Variants in TSPEAR observed in about 807,000 individuals in gnomAD.
TSPEAR encodes the protein thrombospondin type laminin G domain and EAR repeats.
Under a neutral mutation model 71.6 loss-of-function variants are expected in TSPEAR, and 69 were observed. That is an observed-to-expected ratio of 0.96 (90% CI 0.79 to 1.18). The LOEUF is 1.18. TSPEAR is among the 50% of genes most tolerant of loss of function. The pLI is 0.00. For missense variants in TSPEAR, 971 were observed against 894.9 expected, an observed-to-expected ratio of 1.09 and a Z score of -1.09; for synonymous variants, 402 against 387.2, an observed-to-expected ratio of 1.04 and a Z score of -0.45.
At chr21:44,697,776 C>T (rs1190156649) in intron 1 of TSPEAR, 3 of 1,613,932 alleles carry the variant, frequency 1.9e-6, no homozygotes, top group Non-Finnish European at 2.5e-6. Flanking sequence ...TGCAGACCCT[C>T]CTCCTCCGTG....
intron 1 of TSPEAR, among the ~76,000 whole-genome samples, chr21:44,571,336 C>T (rs1270444152): frequency 1.3e-5 from 2 of 152,226 alleles, no homozygotes; most frequent in African/African-American, 4.8e-5. Flanking sequence ...AGGCATGAGC[C>T]ACCACATCCA....
At chr21:44,529,752 T>G (rs781856559) in intron 5 of TSPEAR, 46 bp downstream of exon 5, 1 of 1,608,858 alleles carries the variant, frequency 6.2e-7, no homozygotes, top group Admixed American at 1.7e-5. Context: ...AGGCCAGGGC[T>G]CTCGCATCTG....
intron 1 of TSPEAR, chr21:44,647,037 C>T (rs1601526246): frequency 1.2e-6 from 2 of 1,613,782 alleles, no homozygotes; most frequent in African/African-American, 2.7e-5. Flanking sequence ...TGCCTGTCTG[C>T]TGCAAGACTG....
In TSPEAR at chr21:44,504,817, C is replaced by G. The variant is rs587622341; in HGVS notation, c.1819G>C (p.Asp607His). The stretch of plus-strand genomic sequence containing the variant: ...CTGTTCACCGAGAAGGTACGCCCAT[C>G]GAAGGAGTTGGCCACCACCAGGAAA... ...DYFLVVANSFDGRTFSVNSII... is the reference protein window; with the variant it reads ...DYFLVVANSFHGRTFSVNSII... Residue 607 changes from aspartate (D) to histidine (H), a missense_variant, in exon 11 of 12, where the codon GAT (aspartate) becomes CAT (histidine). By Grantham distance (81) the Asp-to-His change is moderately conservative. Transcript: ENST00000323084. 1 of 1,613,804 alleles carries G rather than the reference C, an allele frequency of 6.2e-7. No homozygotes were observed. The highest frequency in any genetic ancestry group is 1.7e-5 in the Admixed American group (1 of 59,998).
chr21:44,580,512 G>A (rs782470394), intron 1 of TSPEAR: 36 of 1,613,588 alleles, frequency 2.2e-5, no homozygotes, highest in Non-Finnish European at 2.9e-5. Context: ...CAGCTCTCTG[G>A]GCAGTCGTCC....
intron 8 of TSPEAR, among the ~76,000 whole-genome samples, chr21:44,522,623 G>A (rs587619429): frequency 3.0e-4 from 46 of 152,356 alleles, no homozygotes; most frequent in African/African-American, 7.2e-4. Context: ...GACCCAGGCC[G>A]GCTCGTGGAG....
intron 1 of TSPEAR, chr21:44,682,085 G>T (rs1331576848): frequency 6.8e-6 from 11 of 1,613,802 alleles, no homozygotes; most frequent in Non-Finnish European, 7.6e-6. Context: ...GCGCGCAGCA[G>T]GCTGGCTGGC....
intron 4 of TSPEAR, among the ~76,000 whole-genome samples, chr21:44,530,810 G>A (rs1601372216): frequency 6.6e-6 from 1 of 152,248 alleles, no homozygotes; most frequent in African/African-American, 2.4e-5. Context: ...GCTCAGCATG[G>A]TGGGGGCAGC....
chr21:44,515,359 C>T (rs1050269071), intron 9 of TSPEAR: 6 of 152,300 alleles, frequency 3.9e-5, no homozygotes, highest in South Asian at 2.1e-4. Flanking sequence ...ACCTTCAGGG[C>T]CTGGGCCATG....
At chr21:44,575,786 A>G (rs460546) in intron 1 of TSPEAR, among the ~76,000 whole-genome samples, 137,501 of 152,232 alleles carry the variant, frequency 0.9, 62,749 homozygotes, top group Non-Finnish European at 0.97. Context: ...CATCACTGGC[A>G]TGGTGGGAGG....
At chr21:44,678,772 G>C (rs1324979768) in intron 1 of TSPEAR, among the ~76,000 whole-genome samples, 2 of 152,268 alleles carry the variant, frequency 1.3e-5, no homozygotes, top group East Asian at 3.9e-4. Flanking sequence ...AACAAATTTA[G>C]TAAAGTTGCA....
At position 44,561,711 on chromosome 21, in the gene TSPEAR, G is replaced by C. The variant is rs369498034; in HGVS notation, c.303+6074C>G. On this transcript the variant is annotated intron_variant, in intron 2 of 11. Transcript: ENST00000323084. ...CGATAAATGTAATCCATCACATAAA[G>C]AGAACCAATGACGAAAACCACATGA... Among the ~76,000 whole-genome samples the C allele has an allele frequency of 3.1e-4, 47 of 152,228 alleles. No individual in the cohort carries two copies. In the East Asian group the frequency reaches 3.3e-3, roughly 11 times the overall value.
intron 1 of TSPEAR, chr21:44,677,173 C>A (rs1337752693): frequency 4.2e-6 from 3 of 714,096 alleles, no homozygotes; most frequent in Non-Finnish European, 7.8e-6. Context: ...TTGGCCCCAG[C>A]AACCTCTTCT....
intron 1 of TSPEAR, among the ~76,000 whole-genome samples, chr21:44,600,087 G>A (rs149220423): frequency 1.0e-3 from 153 of 152,238 alleles, no homozygotes; most frequent in African/African-American, 3.3e-3. Flanking sequence ...AAAGCCCTTG[G>A]GGGGACTTTA....
chr21:44,649,729 C>T (rs1416103308), intron 1 of TSPEAR, among the ~76,000 whole-genome samples: 1 of 152,218 alleles, frequency 6.6e-6, no homozygotes, highest in Admixed American at 6.5e-5. Context: ...CACCCTCAGG[C>T]CCAGCTTCGG....
rs147835758 is a variant in TSPEAR, at chr21:44,609,890, G to A, written c.83-41885C>T. On this transcript the variant is annotated intron_variant, in intron 1 of 11. Coordinates refer to ENST00000323084, the MANE Select transcript of TSPEAR (RefSeq NM_144991.3). ...AGGATGGGAAGGGGGAACTTTTCAC[G>A]GGCCTGGTGATAAACTAGAGAAAGT... 4.4e-3 allele frequency among the ~76,000 whole-genome samples: 664 copies of A among 152,212 alleles called. 1 individual carries two copies. The highest frequency in any genetic ancestry group is 6.9e-3 in the Non-Finnish European group (472 of 68,006).
intron 8 of TSPEAR, among the ~76,000 whole-genome samples, chr21:44,524,511 G>T (rs186161946): frequency 2.0e-5 from 3 of 148,524 alleles, no homozygotes; most frequent in East Asian, 2.1e-4. Context: ...AGTCAGTCAG[G>T]CAGTCAGTCA....
chr21:44,700,040 T>C (rs541489073), intron 1 of TSPEAR, among the ~76,000 whole-genome samples: 86 of 152,332 alleles, frequency 5.6e-4, no homozygotes, highest in Non-Finnish European at 1.0e-3. Context: ...CCAGCAGGGC[T>C]GCCAACAGTC....
chr21:44,629,910 G>A (rs376497178), intron 1 of TSPEAR, among the ~76,000 whole-genome samples: 1 of 152,184 alleles, frequency 6.6e-6, no homozygotes, highest in African/African-American at 2.4e-5. Flanking sequence ...CGCAGGCCAG[G>A]CAGCTGTGCT....
Sources: gnomAD v4.1 joint callset for allele counts (sites outside exome capture counted in the v4.1 genomes callset) on GRCh38, gnomAD v4.1.1 for gene constraint, MANE v1.5 for transcripts, NCBI Gene and HGNC (gene_info 2026-07-23, HGNC 2026-07-21) for gene names.